The following PCDHGA4 variants were observed in gnomAD, a reference collection of about 807,000 sequenced individuals.
PCDHGA4 encodes protocadherin gamma subfamily A, 4.
A neutral mutation model predicts 54.6 loss-of-function variants in PCDHGA4; 38 were observed. That is an observed-to-expected ratio of 0.70 (90% CI 0.54 to 0.91). The LOEUF (loss-of-function observed/expected upper bound fraction) is 0.91, where lower values mean the gene tolerates loss of function less well. Among genes scored for constraint, PCDHGA4 ranks in the 40% least tolerant of loss-of-function variants. The pLI is 0.00. For synonymous variants in PCDHGA4, 511 were observed against 512.9 expected, an observed-to-expected ratio of 1.00 and a Z score of 0.05; for missense variants, 1,298 against 1,220.9, an observed-to-expected ratio of 1.06 and a Z score of -0.94.
intron 1 of PCDHGA4, among the ~76,000 whole-genome samples, chr5:141,484,358 G>A (rs2099595185): frequency 6.6e-6 from 1 of 152,160 alleles, no homozygotes; most frequent in South Asian, 2.1e-4. Flanking sequence ...AGTGTATCTA[G>A]TGTATCACTA....
At chr5:141,495,804 T>G (rs894259635) in intron 2 of PCDHGA4, among the ~76,000 whole-genome samples, 1 of 152,168 alleles carries the variant, frequency 6.6e-6, no homozygotes, top group South Asian at 2.1e-4. Flanking sequence ...TTTCACCGTT[T>G]CCTAGCGCCT....
intron 1 of PCDHGA4, chr5:141,362,323 G>A: frequency 6.2e-7 from 1 of 1,614,082 alleles, no homozygotes; most frequent in East Asian, 2.2e-5. Flanking sequence ...TTTTCAGCCT[G>A]GTCTCAGCTC....
intron 1 of PCDHGA4, chr5:141,385,263 T>G: frequency 6.2e-7 from 1 of 1,613,672 alleles, no homozygotes; most frequent in Non-Finnish European, 8.5e-7. Context: ...GTGAGAAAAA[T>G]GATTCTTTGC....
intron 1 of PCDHGA4, among the ~76,000 whole-genome samples, chr5:141,474,464 T>C (rs373468290): frequency 6.6e-6 from 1 of 152,252 alleles, no homozygotes; most frequent in African/African-American, 2.4e-5. Context: ...CTATACTCTT[T>C]ATTCTAAATT....
At chr5:141,374,931 A>C in intron 1 of PCDHGA4, 1 of 1,614,022 alleles carries the variant, frequency 6.2e-7, no homozygotes, top group Non-Finnish European at 8.5e-7. Flanking sequence ...TCCTTTGTGA[A>C]GATTACAGAA....
At chr5:141,409,052 A>C in intron 1 of PCDHGA4, 2 of 1,614,050 alleles carry the variant, frequency 1.2e-6, no homozygotes, top group African/African-American at 1.3e-5. Context: ...CTTCCGAAGC[A>C]CTGCCCAGAG....
intron 1 of PCDHGA4, chr5:141,371,210 C>T: frequency 6.2e-7 from 1 of 1,614,010 alleles, no homozygotes; most frequent in Non-Finnish European, 8.5e-7. Flanking sequence ...TGGATGAGGG[C>T]ATCAATGCCG....
chr5:141,410,066 C>G, intron 1 of PCDHGA4: 1 of 1,612,912 alleles, frequency 6.2e-7, no homozygotes, highest in Non-Finnish European at 8.5e-7. Context: ...CCTGGGGCTG[C>G]GCACTGGGGA....
chr5:141,362,144 A>G lies in PCDHGA4; in HGVS notation c.2514+4523A>G, dbSNP rs1310397180. 5 of 1,614,008 alleles carry G rather than the reference A, an allele frequency of 3.1e-6. 1 individual carries two copies. In the South Asian group the frequency reaches 5.5e-5, roughly 18 times the overall value. ...CTAATCTTCGCGGATAGCCTGCAAGAGGTATTGCCAGACCTCAGCGACCGC... is the reference window on the plus strand; with the variant it reads ...CTAATCTTCGCGGATAGCCTGCAAGGGGTATTGCCAGACCTCAGCGACCGC... On this transcript the variant is annotated intron_variant, in intron 1 of 3. Coordinates refer to ENST00000571252, the MANE Select transcript of PCDHGA4 (RefSeq NM_018917.4).
chr5:141,413,962 AC>A, intron 1 of PCDHGA4: 1 of 1,613,404 alleles, frequency 6.2e-7, no homozygotes, highest in Non-Finnish European at 8.5e-7. Context: ...GCCTGTGGGC[AC>A]TCAGCTGCTG....
chr5:141,487,162 G>T lies in PCDHGA4; in HGVS notation c.2515-7645G>T, dbSNP rs2099640627. 6.2e-7 allele frequency: 1 copy of T among 1,613,496 alleles called. No individual in the cohort carries two copies. Among genetic ancestry groups the T allele is most frequent in the African/African-American group, 1.3e-5 (1 of 75,026 alleles). On this transcript the variant is annotated intron_variant, in intron 1 of 3. Transcript: ENST00000571252. This position sits in a 1 kb window ranked among gnomAD's most constrained non-coding sequence, Gnocchi z 5.0. ...TCTCTACCTCTGTTACTCTCTTAGTGTCCTTAGAGGAAGACACTCATCCAG... is the reference window on the plus strand; with the variant it reads ...TCTCTACCTCTGTTACTCTCTTAGTTTCCTTAGAGGAAGACACTCATCCAG...
At chr5:141,423,277 A>G (rs749771302) in intron 1 of PCDHGA4, 4 of 1,613,988 alleles carry the variant, frequency 2.5e-6, no homozygotes, top group Non-Finnish European at 8.5e-7. Flanking sequence ...GTCTCTGGCT[A>G]ACTCTGAAAC....
chr5:141,425,194 A>G (rs1464968527), intron 1 of PCDHGA4, among the ~76,000 whole-genome samples: 1 of 152,206 alleles, frequency 6.6e-6, no homozygotes, highest in Non-Finnish European at 1.5e-5. Context: ...CAAACTGAGA[A>G]AAATGATGTA....
Position 141,430,120 on chromosome 5 carries a change from G to A in PCDHGA4, c.2515-64687G>A, listed in dbSNP as rs73280905. Among the ~76,000 whole-genome samples, 1,257 of 152,134 alleles carry A rather than the reference G, an allele frequency of 8.3e-3. 17 individuals are homozygous for A. Among genetic ancestry groups the A allele is most frequent in the African/African-American group, 0.029 (1,193 of 41,506 alleles). Reference sequence around the variant, plus strand: ...TTAAGCGTTACATGTCAACAACCTGGTAAAGTAATCCTTCCATTCAGGATC... The same window carrying A: ...TTAAGCGTTACATGTCAACAACCTGATAAAGTAATCCTTCCATTCAGGATC... On this transcript the variant is annotated intron_variant, in intron 1 of 3. Coordinates refer to ENST00000571252, the MANE Select transcript of PCDHGA4 (RefSeq NM_018917.4).
chr5:141,389,726 C>G (rs150721796), intron 1 of PCDHGA4: 2 of 1,612,720 alleles, frequency 1.2e-6, no homozygotes, highest in Non-Finnish European at 1.7e-6. Flanking sequence ...AGCCCGGGCT[C>G]TTCAGCCTGG....
chr5:141,416,728 T>C (rs2096057160), intron 1 of PCDHGA4: 1 of 152,232 alleles, frequency 6.6e-6, no homozygotes, highest in Non-Finnish European at 1.5e-5. Context: ...GTTCATTTAG[T>C]TCAATGAAAA....
Position 141,489,407 on chromosome 5 carries a change from T to C in PCDHGA4, c.2515-5400T>C. On this transcript the variant is annotated intron_variant, in intron 1 of 3. Transcript: ENST00000571252. This position sits in a 1 kb window ranked among gnomAD's most constrained non-coding sequence, Gnocchi z 4.5. ...GTTGCTCAGGATCTGGGCTTAAAGA[T>C]GACAGATCTGTTGAGCCGGCGGCTG... 6.2e-7 allele frequency: 1 copy of C among 1,614,140 alleles called. No individual in the cohort carries two copies.
chr5:141,450,052 G>C (rs2098667259), intron 1 of PCDHGA4, among the ~76,000 whole-genome samples: 1 of 141,832 alleles, frequency 7.1e-6, no homozygotes, highest in African/African-American at 2.7e-5. Flanking sequence ...TTTCGCCCAG[G>C]CTGGAATGCA....
chr5:141,403,136 C>T, intron 1 of PCDHGA4: 1 of 1,614,006 alleles, frequency 6.2e-7, no homozygotes, highest in South Asian at 1.1e-5. Flanking sequence ...GCTGGCGGAG[C>T]GCCGAGTCCG....
Sources: gnomAD v4.1 joint callset for allele counts (sites outside exome capture counted in the v4.1 genomes callset) on GRCh38, gnomAD v4.1.1 for gene constraint, Gnocchi (gnomAD v3.1) non-coding constraint, MANE v1.5 for transcripts, NCBI Gene and HGNC (gene_info 2026-07-23, HGNC 2026-07-21) for gene names.